The following DDHD1 variants were observed in gnomAD, a reference collection of about 807,000 sequenced individuals.
DDHD1 encodes phospholipase DDHD1.
A neutral mutation model predicts 96.4 loss-of-function variants in DDHD1; 49 were observed. That is an observed-to-expected ratio of 0.51 (90% confidence interval 0.40 to 0.64). DDHD1 has a LOEUF of 0.64. Ranked by LOEUF, DDHD1 falls within the 30% of genes least tolerant of loss-of-function variation. The pLI is 0.00. For synonymous variants in DDHD1, 442 were observed against 446.5 expected (o/e 0.99, Z 0.13); for missense variants, 1,106 against 1,161.2 (o/e 0.95, Z 0.69).
At chr14:53,115,051 AAC>A (rs1888438295) in intron 1 of DDHD1, among the ~76,000 whole-genome samples, 1 of 152,188 alleles carries the variant, frequency 6.6e-6, no homozygotes, top group African/African-American at 2.4e-5. Flanking sequence ...GGAGTTGAAA[AAC>A]ACAGTCCGAG....
chr14:53,118,727 G>C (rs1180242233), intron 1 of DDHD1, among the ~76,000 whole-genome samples: 1 of 152,182 alleles, frequency 6.6e-6, no homozygotes, highest in Non-Finnish European at 1.5e-5. Flanking sequence ...AACCAAGTTA[G>C]AAAACACTCT....
At chr14:53,073,592 A>G (rs773192639) in intron 5 of DDHD1, 149 bp downstream of exon 5, 2 of 608,662 alleles carry the variant, frequency 3.3e-6, no homozygotes, top group Admixed American at 3.2e-5. Context: ...TATTTTCTTA[A>G]TCTAGAACAA....
At position 53,084,964 on chromosome 14, in the gene DDHD1, G is replaced by C. The variant is rs183250946; in HGVS notation, c.1289+6821C>G. ...AATGGTCTGAGCAAATGTCACACCA[G>C]ATTATATCCCGCGCCTGGCTCAGCG... On this transcript the variant is annotated intron_variant, in intron 4 of 12. Transcript: ENST00000673822. Among the ~76,000 whole-genome samples, 12 of 152,364 alleles carry C rather than the reference G, an allele frequency of 7.9e-5. 1 individual carries two copies. In the South Asian group the frequency reaches 1.0e-3, roughly 13 times the overall value.
At chr14:53,134,999 C>T (rs1056602125) in intron 1 of DDHD1, among the ~76,000 whole-genome samples, 8 of 152,186 alleles carry the variant, frequency 5.3e-5, no homozygotes, top group Non-Finnish European at 7.3e-5. Flanking sequence ...CCCCTAATTC[C>T]GCTCGAAGCA....
At chr14:53,143,417 C>T (rs1352124685) in intron 1 of DDHD1, among the ~76,000 whole-genome samples, 4 of 152,306 alleles carry the variant, frequency 2.6e-5, no homozygotes, top group African/African-American at 7.2e-5. Context: ...CTCAGCAAGG[C>T]CATTTTTACT....
Position 53,153,054 on chromosome 14 carries a change from G to A in DDHD1, c.45C>T (p.Asn15=), listed in dbSNP as rs1350915232. ...GRGSPRSPEH[N]GRGGGGGAWE... is the part of the protein sequence containing the mutation. ...AGGCGCCGCCGCCGCCGCCTCGGCC[G>A]TTATGCTCGGGGCTCCGTGGGGACC... The change falls in exon 1 of 13, where the codon AAC becomes AAT. Residue 15 remains asparagine, a synonymous_variant. Transcript: ENST00000673822. The A allele has an allele frequency of 1.3e-6, 2 of 1,490,042 alleles. No homozygotes were observed. Among genetic ancestry groups the A allele is most frequent in the East Asian group, 2.8e-5 (1 of 36,010 alleles). 92.3% of individuals were successfully genotyped at this position (1,490,042 alleles called of 1,614,324 possible). A position where few individuals can be genotyped will look rare whatever the true frequency, so the allele number is the denominator to read the frequency against.
intron 1 of DDHD1, among the ~76,000 whole-genome samples, chr14:53,148,902 G>A (rs1041515638): frequency 1.3e-5 from 2 of 152,176 alleles, no homozygotes; most frequent in African/African-American, 4.8e-5. Context: ...TAATAAGGAT[G>A]TTACATATAA....
intron 3 of DDHD1, chr14:53,093,098 T>C (rs1415149486): frequency 3.2e-6 from 1 of 308,554 alleles, no homozygotes; most frequent in Admixed American, 5.3e-5. Flanking sequence ...AGATATTTAT[T>C]AATTTTGTCA....
At chr14:53,146,834 A>C (rs1307172305) in intron 1 of DDHD1, among the ~76,000 whole-genome samples, 1 of 152,190 alleles carries the variant, frequency 6.6e-6, no homozygotes, top group South Asian at 2.1e-4. Flanking sequence ...ACTATAAAAA[A>C]ATTTTTCCTT....
intron 1 of DDHD1, among the ~76,000 whole-genome samples, chr14:53,134,971 C>G (rs1469932998): frequency 2.0e-5 from 3 of 152,316 alleles, no homozygotes; most frequent in African/African-American, 7.2e-5. Flanking sequence ...ATCTCTCCCA[C>G]TATAGGTTCC....
At chr14:53,147,143 C>T (rs1401051245) in intron 1 of DDHD1, among the ~76,000 whole-genome samples, 2 of 152,128 alleles carry the variant, frequency 1.3e-5, no homozygotes, top group East Asian at 1.9e-4. Context: ...CTTTCCTCCC[C>T]CAGTGTCCAT....
At chr14:53,062,916 A>G in intron 7 of DDHD1, 27 bp downstream of exon 7, 1 of 1,600,752 alleles carries the variant, frequency 6.2e-7, no homozygotes, top group Non-Finnish European at 8.5e-7. Flanking sequence ...ACATTTAAAA[A>G]TTTTTCAAAA....
intron 9 of DDHD1, 87 bp downstream of exon 9, chr14:53,058,390 C>T: frequency 3.5e-6 from 5 of 1,444,444 alleles, no homozygotes; most frequent in Non-Finnish European, 4.7e-6. Flanking sequence ...GCTGGGATTA[C>T]AAGCGTGAGC....
At chr14:53,122,940 A>G (rs1889116896) in intron 1 of DDHD1, among the ~76,000 whole-genome samples, 1 of 151,724 alleles carries the variant, frequency 6.6e-6, no homozygotes, top group South Asian at 2.1e-4. Context: ...ATATAACAAC[A>G]TTTTTACAGA....
chr14:53,136,289 C>T (rs939910282), intron 1 of DDHD1, among the ~76,000 whole-genome samples: 4 of 152,232 alleles, frequency 2.6e-5, no homozygotes, highest in African/African-American at 9.6e-5. Context: ...TCACACAAAA[C>T]CTGTTTTGGT....
At position 53,093,350 on chromosome 14, in the gene DDHD1, T is replaced by C; in HGVS notation, c.1107A>G (p.Ala369=). Residue 369 remains alanine (A), a synonymous_variant, in exon 3 of 13, where the codon GCA becomes GCG. Coordinates refer to ENST00000673822, the MANE Select transcript of DDHD1 (RefSeq NM_001160148.2). ...LYSDATTSKI[A]RTVTQKLGFS... is the part of the protein sequence containing the mutation. ...ATCCCAGTTTTTGGGTAACTGTTCT[T>C]GCAATTTTAGATGTTGTTGCATCAC... The C allele has an allele frequency of 1.9e-6, 3 of 1,612,588 alleles. No homozygotes were observed. Among genetic ancestry groups the C allele is most frequent in the South Asian group, 2.2e-5 (2 of 90,454 alleles).
chr14:53,129,510 G>A (rs778159486), intron 1 of DDHD1, among the ~76,000 whole-genome samples: 2 of 152,082 alleles, frequency 1.3e-5, no homozygotes, highest in East Asian at 1.9e-4. Context: ...TAATCACTGC[G>A]GGGATGCCTG....
In DDHD1 at chr14:53,042,664, T is replaced by C. The variant is rs1181954627; in HGVS notation, c.*4104A>G. 1 of 152,258 alleles carries C rather than the reference T, an allele frequency of 6.6e-6. No individual in the cohort carries two copies. The highest frequency in any genetic ancestry group is 2.4e-5 in the African/African-American group (1 of 41,462). The allele number at this position is 152,258 out of a possible 1,614,324, so 9.4% of individuals were successfully genotyped here. On this transcript the variant is annotated 3_prime_UTR_variant, in exon 13 of 13. Transcript: ENST00000673822. ...CTAAATGAGACCTTTGAGATTCTTATGTTTTAAGTTCAGCCAGAGTACCAT... is the reference window on the plus strand; with the variant it reads ...CTAAATGAGACCTTTGAGATTCTTACGTTTTAAGTTCAGCCAGAGTACCAT...
chr14:53,086,210 C>T (rs1274038862), intron 4 of DDHD1, among the ~76,000 whole-genome samples: 1 of 152,172 alleles, frequency 6.6e-6, no homozygotes, highest in Non-Finnish European at 1.5e-5. Flanking sequence ...GAACTGGAAC[C>T]AAGCTGGAAA....
Sources: allele counts gnomAD v4.1 joint callset (sites outside exome capture counted in the v4.1 genomes callset), GRCh38; gene constraint gnomAD v4.1.1; transcripts MANE v1.5; gene names NCBI Gene and HGNC (gene_info 2026-07-23, HGNC 2026-07-21).